Variants in SRGAP1 observed in about 807,000 individuals in gnomAD.
SRGAP1 encodes SLIT-ROBO Rho GTPase-activating protein 1.
In SRGAP1, 43 loss-of-function variants were observed where a neutral mutation model predicts 121.9. The observed-to-expected ratio is 0.35, with a 90% CI of 0.28 to 0.46. The LOEUF is 0.46. Among genes scored for constraint, SRGAP1 ranks in the 20% least tolerant of loss-of-function variants. SRGAP1 has a pLI of 1.00. For missense variants in SRGAP1, 1,102 were observed against 1,350.9 expected (o/e 0.82, Z 2.89); for synonymous variants, 447 against 485.4 (o/e 0.92, Z 1.04).
rs1025453987 is a variant in SRGAP1, at chr12:63,933,199, T to C, written c.68-50748T>C. Among the ~76,000 whole-genome samples, 4 of 152,180 alleles carry C rather than the reference T, an allele frequency of 2.6e-5. No individual in the cohort carries two copies. In the South Asian group the frequency reaches 8.3e-4, roughly 32 times the overall value. ...GAGACTCTCTCAACAAACCTGCACGTTATGCACATGTATCCTAAAACTTTA... is the reference window on the plus strand; with the variant it reads ...GAGACTCTCTCAACAAACCTGCACGCTATGCACATGTATCCTAAAACTTTA... On this transcript the variant is annotated intron_variant, in intron 1 of 21. Transcript: ENST00000355086.
intron 1 of SRGAP1, among the ~76,000 whole-genome samples, chr12:63,981,184 C>G (rs949055570): frequency 6.6e-6 from 1 of 152,106 alleles, no homozygotes; most frequent in African/African-American, 2.4e-5. Context: ...ATTGTTAAAT[C>G]CATCATTCTC....
chr12:63,883,758 A>G (rs1454009398), intron 1 of SRGAP1, among the ~76,000 whole-genome samples: 1 of 149,962 alleles, frequency 6.7e-6, no homozygotes, highest in Non-Finnish European at 1.5e-5. Flanking sequence ...TCCCGGGTTC[A>G]CGCCATTCTC....
At chr12:63,969,751 G>T (rs2032890325) in intron 1 of SRGAP1, among the ~76,000 whole-genome samples, 1 of 151,594 alleles carries the variant, frequency 6.6e-6, no homozygotes, top group African/African-American at 2.4e-5. Context: ...CCGAGATTGT[G>T]CCACTGCACT....
At chr12:63,966,822 C>G (rs1022567282) in intron 1 of SRGAP1, among the ~76,000 whole-genome samples, 1 of 152,194 alleles carries the variant, frequency 6.6e-6, no homozygotes, top group Non-Finnish European at 1.5e-5. Flanking sequence ...GGCTCCCCTT[C>G]TGTAATGGGT....
At chr12:63,953,640 C>G (rs1257948555) in intron 1 of SRGAP1, among the ~76,000 whole-genome samples, 1 of 151,958 alleles carries the variant, frequency 6.6e-6, no homozygotes, top group Non-Finnish European at 1.5e-5. Context: ...CTCCTAGTCT[C>G]AAATGATCCT....
At chr12:64,040,277 C>T (rs1435790832) in intron 4 of SRGAP1, among the ~76,000 whole-genome samples, 1 of 152,130 alleles carries the variant, frequency 6.6e-6, no homozygotes, top group East Asian at 1.9e-4. Context: ...AAAAACTCAT[C>T]TCTTGAAATG....
intron 8 of SRGAP1, among the ~76,000 whole-genome samples, chr12:64,072,100 A>G (rs927445295): frequency 1.8e-4 from 11 of 60,590 alleles, no homozygotes; most frequent in Non-Finnish European, 2.6e-4. Flanking sequence ...AGTTGACCCA[A>G]TCTCTCTCTG....
chr12:63,923,328 T>C (rs1037560935), intron 1 of SRGAP1, among the ~76,000 whole-genome samples: 3 of 152,208 alleles, frequency 2.0e-5, no homozygotes, highest in Non-Finnish European at 4.4e-5. Context: ...AACAACATCA[T>C]TTTATAACGG....
intron 1 of SRGAP1, among the ~76,000 whole-genome samples, chr12:63,871,579 G>GT (rs919107275): frequency 6.6e-6 from 1 of 152,022 alleles, no homozygotes; most frequent in Non-Finnish European, 1.5e-5. Context: ...CAAAGTGCAG[G>GT]TTTTTTGTAG....
rs566134624 is a variant in SRGAP1, at chr12:64,151,728, T to C, written c.*9056T>C. On this transcript the variant is annotated 3_prime_UTR_variant, in exon 22 of 22. Coordinates refer to ENST00000355086, the MANE Select transcript of SRGAP1 (RefSeq NM_020762.4). ...CAGTTTGTTAATGTGCACACCCACATTTCCAGAGTACAAATCTCTATTTCA... is the reference window on the plus strand; with the variant it reads ...CAGTTTGTTAATGTGCACACCCACACTTCCAGAGTACAAATCTCTATTTCA... 2 of 152,306 alleles carry C rather than the reference T, an allele frequency of 1.3e-5. No homozygotes were observed. The highest frequency in any genetic ancestry group is 3.9e-4 in the East Asian group (2 of 5,188). 9.4% of individuals were successfully genotyped at this position (152,306 alleles called of 1,614,324 possible).
intron 1 of SRGAP1, among the ~76,000 whole-genome samples, chr12:63,848,051 G>A (rs985637612): frequency 2.6e-5 from 4 of 151,304 alleles, no homozygotes; most frequent in Non-Finnish European, 4.4e-5. Context: ...TGCTGCCCAG[G>A]CCAGAGTGCA....
intron 7 of SRGAP1, among the ~76,000 whole-genome samples, chr12:64,063,367 C>G (rs2035484010): frequency 6.6e-6 from 1 of 152,148 alleles, no homozygotes; most frequent in Non-Finnish European, 1.5e-5. Context: ...TTGCCTTGCA[C>G]TAAGCTGTCC....
At chr12:63,864,840 T>C (rs1291870899) in intron 1 of SRGAP1, among the ~76,000 whole-genome samples, 2 of 152,050 alleles carry the variant, frequency 1.3e-5, no homozygotes, top group East Asian at 3.9e-4. Context: ...AAGGATGAAC[T>C]TTAGTGAATT....
chr12:64,119,770 C>CT (rs997729181), intron 18 of SRGAP1, among the ~76,000 whole-genome samples: 4,965 of 107,402 alleles, frequency 0.046, 236 homozygotes, highest in African/African-American at 0.1. Flanking sequence ...TTATTTGTTT[C>CT]TTTTTTTTTT....
chr12:63,868,295 C>G (rs1433196465), intron 1 of SRGAP1, among the ~76,000 whole-genome samples: 1 of 151,472 alleles, frequency 6.6e-6, no homozygotes, highest in Non-Finnish European at 1.5e-5. Flanking sequence ...GTTGGCCAGC[C>G]TGGTGTCAAA....
chr12:63,905,885 C>G (rs1462151776), intron 1 of SRGAP1, among the ~76,000 whole-genome samples: 1 of 152,202 alleles, frequency 6.6e-6, no homozygotes, highest in Non-Finnish European at 1.5e-5. Context: ...TAGACTCAAT[C>G]AGACCCATGG....
At chr12:64,018,617 A>G (rs1474062928) in intron 4 of SRGAP1, among the ~76,000 whole-genome samples, 6 of 152,224 alleles carry the variant, frequency 3.9e-5, no homozygotes, top group Non-Finnish European at 7.3e-5. Context: ...TGATAAATCT[A>G]TTTTTATAAA....
intron 16 of SRGAP1, 141 bp downstream of exon 16, chr12:64,109,178 G>GGTACATTTTTCCTCCTTCA: frequency 2.1e-6 from 1 of 469,462 alleles, no homozygotes; most frequent in Non-Finnish European, 3.6e-6. Flanking sequence ...ATGTACTGAA[G>GGTACATTTTTCCTCCTTCA]GTACATTTTT....
chr12:64,079,024 G>A lies in SRGAP1; in HGVS notation c.1231G>A (p.Val411Met), dbSNP rs1043493648. Residue 411 changes from valine (V) to methionine (M), a missense_variant, in exon 9 of 22, where the codon GTG becomes ATG. Val to Met is a conservative substitution (Grantham distance 21). Transcript: ENST00000355086. ...CFQHSRSTES[V>M]KSTVSETYLS... ...CCAGCACAGTCGTTCCACAGAATCA[G>A]TGAAGTCCACTGTCTCTGAAACCTA... The A allele has an allele frequency of 2.5e-6, 4 of 1,614,100 alleles. No individual in the cohort carries two copies. The African/African-American group carries it at 4.0e-5, about 16-fold the overall frequency.
Sources: allele counts gnomAD v4.1 joint callset (sites outside exome capture counted in the v4.1 genomes callset), GRCh38; gene constraint gnomAD v4.1.1; transcripts MANE v1.5; gene names NCBI Gene and HGNC (gene_info 2026-07-23, HGNC 2026-07-21).